CNTNAP5: variants seen among roughly 807,000 people sequenced by gnomAD.
The protein encoded by CNTNAP5 is contactin-associated protein-like 5.
CNTNAP5 carries 72 observed loss-of-function variants against 150.2 expected under a neutral mutation model. The observed-to-expected ratio is 0.48, with a 90% CI of 0.40 to 0.58. The LOEUF is 0.58. CNTNAP5 is among the 20% of genes least tolerant of loss of function. The probability of loss-of-function intolerance (pLI) is 0.00; values close to 1 mark genes in which losing one functional copy is unlikely to be tolerated. For synonymous variants in CNTNAP5, 672 were observed against 619.8 expected, an observed-to-expected ratio of 1.08 and a Z score of -1.25; for missense variants, 1,636 against 1,626.2, an observed-to-expected ratio of 1.01 and a Z score of -0.10.
At chr2:124,732,932 C>A (rs1172235750) in intron 13 of CNTNAP5, among the ~76,000 whole-genome samples, 6 of 152,106 alleles carry the variant, frequency 3.9e-5, no homozygotes, top group African/African-American at 1.4e-4. Context: ...AGAATATAAA[C>A]AACAGTGGAT....
At chr2:124,295,788 T>G (rs935486104) in intron 3 of CNTNAP5, among the ~76,000 whole-genome samples, 2 of 152,300 alleles carry the variant, frequency 1.3e-5, no homozygotes, top group African/African-American at 4.8e-5. Flanking sequence ...ATTCCAGAAC[T>G]GAGGGTTCCT....
intron 12 of CNTNAP5, among the ~76,000 whole-genome samples, chr2:124,610,403 G>C (rs1476103284): frequency 6.6e-6 from 1 of 152,194 alleles, no homozygotes; most frequent in Non-Finnish European, 1.5e-5. Context: ...CCCCAGAGCT[G>C]TGAGAATTAG....
rs568936691 is a variant in CNTNAP5, at chr2:124,490,568, C to G, written c.1063-13724C>G. On this transcript the variant is annotated intron_variant, in intron 7 of 23. Transcript: ENST00000682447. ...ATGTAAGAAGTAAAACAATTTCTACCTTAGTGTCAAAATTGGCAAAACTAT... is the reference window on the plus strand; with the variant it reads ...ATGTAAGAAGTAAAACAATTTCTACGTTAGTGTCAAAATTGGCAAAACTAT... Among the ~76,000 whole-genome samples the G allele has an allele frequency of 2.0e-5, 3 of 151,846 alleles. No individual in the cohort carries two copies. The East Asian group carries it at 5.8e-4, about 29-fold the overall frequency.
chr2:124,316,791 C>T (rs866791147), intron 3 of CNTNAP5, among the ~76,000 whole-genome samples: 165 of 109,332 alleles, frequency 1.5e-3, no homozygotes, highest in African/African-American at 6.0e-3. Context: ...GGTGACAGAG[C>T]GAGACTCCAT....
Position 124,064,132 on chromosome 2 carries a change from C to T in CNTNAP5, c.82+38400C>T, listed in dbSNP as rs78269070. Among the ~76,000 whole-genome samples the T allele has an allele frequency of 8.4e-3, 1,284 of 152,192 alleles. 12 individuals carry two copies. The highest frequency in any genetic ancestry group is 0.027 in the African/African-American group (1,133 of 41,536). ...AATGCAGTAGCTAAATTAGCGACTT[C>T]GAAGGCCTATTCTTCCTTTAGATTC... On this transcript the variant is annotated intron_variant, in intron 1 of 23. Coordinates refer to ENST00000682447, the MANE Select transcript of CNTNAP5 (RefSeq NM_001367498.1).
intron 11 of CNTNAP5, among the ~76,000 whole-genome samples, chr2:124,599,302 C>T (rs545297681): frequency 2.0e-5 from 3 of 151,808 alleles, no homozygotes; most frequent in Admixed American, 1.3e-4. Context: ...TTTTGTTTTT[C>T]TACTGATTTG....
chr2:124,398,372 G>A (rs1234266708), intron 3 of CNTNAP5, among the ~76,000 whole-genome samples: 1 of 152,156 alleles, frequency 6.6e-6, no homozygotes, highest in Non-Finnish European at 1.5e-5. Flanking sequence ...GCCTTTGGGG[G>A]AACATCTCGC....
chr2:124,500,517 A>G (rs1414858748), intron 7 of CNTNAP5, among the ~76,000 whole-genome samples: 2 of 152,120 alleles, frequency 1.3e-5, no homozygotes, highest in African/African-American at 4.8e-5. Context: ...GACAAGTGTG[A>G]TAATATATCC....
chr2:124,762,891 G>T (rs915690274), intron 14 of CNTNAP5, among the ~76,000 whole-genome samples: 1 of 151,902 alleles, frequency 6.6e-6, no homozygotes, highest in African/African-American at 2.4e-5. Context: ...TTTTTTGGGG[G>T]AAAAATACCT....
At chr2:124,774,343 A>G (rs1482580427) in intron 17 of CNTNAP5, among the ~76,000 whole-genome samples, 2 of 152,140 alleles carry the variant, frequency 1.3e-5, no homozygotes, top group Non-Finnish European at 2.9e-5. Flanking sequence ...CTCTGAGGAA[A>G]GCAGTCACTA....
intron 13 of CNTNAP5, among the ~76,000 whole-genome samples, chr2:124,664,934 G>A (rs1678667161): frequency 6.6e-6 from 1 of 152,106 alleles, no homozygotes; most frequent in African/African-American, 2.4e-5. Flanking sequence ...TGATCCACCC[G>A]CCTTGGCCTC....
At chr2:124,337,947 T>C (rs1471232254) in intron 3 of CNTNAP5, among the ~76,000 whole-genome samples, 1 of 152,212 alleles carries the variant, frequency 6.6e-6, no homozygotes, top group Non-Finnish European at 1.5e-5. Flanking sequence ...ATCTACAAAT[T>C]ACCTTGGGCA....
chr2:124,819,823 T>C (rs192203191), intron 19 of CNTNAP5, among the ~76,000 whole-genome samples: 1 of 152,306 alleles, frequency 6.6e-6, no homozygotes, highest in Admixed American at 6.5e-5. Flanking sequence ...CAGGCCTCGA[T>C]GCCATATGTC....
chr2:124,103,002 T>C (rs930211665), intron 1 of CNTNAP5, among the ~76,000 whole-genome samples: 2 of 152,196 alleles, frequency 1.3e-5, no homozygotes, highest in African/African-American at 4.8e-5. Context: ...TTACAGCGAA[T>C]GGACCACATA....
chr2:124,524,212 C>A (rs1267411203), intron 8 of CNTNAP5, 91 bp from the exon 9 acceptor site: 1 of 1,336,502 alleles, frequency 7.5e-7, no homozygotes, highest in Non-Finnish European at 1.1e-6. Flanking sequence ...CTGAGAATGG[C>A]ATGGACGGCA....
intron 1 of CNTNAP5, among the ~76,000 whole-genome samples, chr2:124,194,407 ATATAAATAT>A (rs1558795532): frequency 0.11 from 629 of 5,772 alleles, 4 homozygotes; most frequent in Middle Eastern, 0.5. Flanking sequence ...ATATATATAT[ATATAAATAT>A]AAATAGGTGT....
intron 3 of CNTNAP5, among the ~76,000 whole-genome samples, chr2:124,332,909 T>C (rs1229940862): frequency 6.6e-6 from 1 of 152,148 alleles, no homozygotes; most frequent in African/African-American, 2.4e-5. Flanking sequence ...TAAATCCACA[T>C]AAACTTTAGA....
intron 3 of CNTNAP5, among the ~76,000 whole-genome samples, chr2:124,249,516 T>A (rs911004084): frequency 1.4e-4 from 21 of 152,338 alleles, no homozygotes; most frequent in African/African-American, 4.8e-4. Context: ...GGACTTCAGA[T>A]AAACTCAACC....
At chr2:124,803,162 A>C (rs761351284) in intron 19 of CNTNAP5, among the ~76,000 whole-genome samples, 22 of 152,064 alleles carry the variant, frequency 1.4e-4, no homozygotes, top group Admixed American at 6.6e-5. Flanking sequence ...ATAGTTAAAA[A>C]AACGAATGTC....
Sources: gnomAD v4.1 joint callset for allele counts (sites outside exome capture counted in the v4.1 genomes callset) on GRCh38, gnomAD v4.1.1 for gene constraint, MANE v1.5 for transcripts, NCBI Gene and HGNC (gene_info 2026-07-23, HGNC 2026-07-21) for gene names.